Variants in CNOT2 observed in about 807,000 individuals in gnomAD.
The protein encoded by CNOT2 is CCR4-NOT transcription complex subunit 2.
CNOT2 carries 7 observed loss-of-function variants against 72.1 expected under a neutral mutation model. That is an observed-to-expected ratio of 0.10 (90% CI 0.06 to 0.18). CNOT2 has a LOEUF of 0.18. Among genes scored for constraint, CNOT2 ranks in the 10% least tolerant of loss-of-function variants. The pLI, the probability that CNOT2 is intolerant of heterozygous loss-of-function variation, is 1.00. For missense variants in CNOT2, 345 were observed against 660.3 expected (o/e 0.52, Z 5.23); for synonymous variants, 196 against 225.6 (o/e 0.87, Z 1.17).
In CNOT2 at chr12:70,337,500, A is replaced by G. The variant is rs751636975; in HGVS notation, c.887A>G (p.Asp296Gly). ...SSYKDPTSSN[D>G]DSKSNLNTSG... The stretch of plus-strand genomic sequence containing the variant: ...TATAAAGATCCAACATCAAGTAATG[A>G]TGACAGTAAATCTGTAAGTAACTGA... The change falls in exon 9 of 16, where the codon GAT (aspartate) becomes GGT (glycine). Residue 296 changes from aspartate to glycine, a missense_variant. Transcript: ENST00000229195. 4 of 1,611,654 alleles carry G rather than the reference A, an allele frequency of 2.5e-6. No homozygotes were observed. In the South Asian group the frequency reaches 4.4e-5, roughly 18 times the overall value.
chr12:70,353,730 A>G, intron 15 of CNOT2, 99 bp from the exon 16 acceptor site: 2 of 1,513,634 alleles, frequency 1.3e-6, no homozygotes, highest in South Asian at 1.2e-5. Context: ...GTTGATTCAT[A>G]TATATTGGGT....
At chr12:70,317,513 G>A (rs58828627) in intron 3 of CNOT2, among the ~76,000 whole-genome samples, 21,882 of 151,480 alleles carry the variant, frequency 0.14, 1,917 homozygotes, top group Admixed American at 0.28. Flanking sequence ...TTATAATTGG[G>A]AAAGAATATA....
intron 4 of CNOT2, 74 bp downstream of exon 4, chr12:70,319,438 C>A: frequency 7.2e-7 from 1 of 1,384,548 alleles, no homozygotes; most frequent in Non-Finnish European, 1.0e-6. Context: ...AAAGAACAAC[C>A]AGTACTTCCT....
chr12:70,319,629 T>C (rs190355763), intron 4 of CNOT2, among the ~76,000 whole-genome samples: 197 of 151,874 alleles, frequency 1.3e-3, no homozygotes, highest in African/African-American at 4.6e-3. Flanking sequence ...TTGCAGTATT[T>C]TTGAAGAATT....
intron 3 of CNOT2, among the ~76,000 whole-genome samples, chr12:70,318,621 C>T (rs146360066): frequency 2.0e-5 from 3 of 151,870 alleles, no homozygotes; most frequent in Non-Finnish European, 4.4e-5. Context: ...TCCTTTAGAG[C>T]ATTTACCACA....
At chr12:70,257,354 C>CTTT (rs34175539) in intron 1 of CNOT2, among the ~76,000 whole-genome samples, 6,373 of 127,982 alleles carry the variant, frequency 0.05, 294 homozygotes, top group Admixed American at 0.097. Flanking sequence ...CAACTACCCC[C>CTTT]TTTTTTTTTT....
Position 70,353,913 on chromosome 12 carries a change from TAAAAAAAAAAAAAAA to T in CNOT2, c.*9_*23del, listed in dbSNP as rs35192504. The T allele has an allele frequency of 6.3e-6, 8 of 1,274,546 alleles. No individual in the cohort carries two copies. The highest frequency in any genetic ancestry group is 6.9e-6 in the Non-Finnish European group (7 of 1,009,124). 79.0% of individuals were successfully genotyped at this position (1,274,546 alleles called of 1,614,324 possible). On this transcript the variant is annotated stop_retained_variant and 3_prime_UTR_variant, in exon 16 of 16. Transcript: ENST00000229195. ...CTACAACCCTGCTCAGCAAGCCTTC[TAAAAAAAAAAAAAAA>T]AAAAAAAAAAGACTTCCCTTTTCTT...
chr12:70,325,207 T>C (rs1432660941), intron 4 of CNOT2, among the ~76,000 whole-genome samples: 1 of 151,874 alleles, frequency 6.6e-6, no homozygotes, highest in Non-Finnish European at 1.5e-5. Flanking sequence ...AAATCAGATA[T>C]GTAGTGTGTA....
intron 3 of CNOT2, among the ~76,000 whole-genome samples, chr12:70,315,985 G>A (rs1247376213): frequency 2.0e-5 from 3 of 152,120 alleles, no homozygotes; most frequent in East Asian, 1.9e-4. Flanking sequence ...CAACTGAGGG[G>A]AAGATTAGAT....
intron 1 of CNOT2, among the ~76,000 whole-genome samples, chr12:70,266,920 AT>A (rs1296960334): frequency 2.0e-5 from 3 of 151,520 alleles, no homozygotes. Context: ...TTCTATTTGG[AT>A]TTAGATAAAC....
chr12:70,256,399 A>C (rs911664214), intron 1 of CNOT2, among the ~76,000 whole-genome samples: 28 of 152,116 alleles, frequency 1.8e-4, no homozygotes, highest in African/African-American at 6.8e-4. Context: ...AAATTGTTTT[A>C]AAGGGAAGAT....
chr12:70,289,052 T>C (rs965130264), intron 2 of CNOT2, among the ~76,000 whole-genome samples: 5 of 152,036 alleles, frequency 3.3e-5, no homozygotes, highest in Non-Finnish European at 7.4e-5. Flanking sequence ...TTTATTTTCT[T>C]GCTCACTTCT....
At chr12:70,249,172 G>C (rs1565722525) in intron 1 of CNOT2, among the ~76,000 whole-genome samples, 1 of 151,808 alleles carries the variant, frequency 6.6e-6, no homozygotes, top group Non-Finnish European at 1.5e-5. Context: ...ATGTGCTTTT[G>C]TATTACTTTC....
At chr12:70,257,651 G>A (rs973848666) in intron 1 of CNOT2, among the ~76,000 whole-genome samples, 35 of 151,818 alleles carry the variant, frequency 2.3e-4, no homozygotes, top group African/African-American at 8.5e-4. Context: ...ACAGGTGTGA[G>A]CCACCGCGCC....
chr12:70,265,273 T>TTCTTCTCTTC (rs1555188161), intron 1 of CNOT2, among the ~76,000 whole-genome samples: 18,498 of 125,188 alleles, frequency 0.15, 1,523 homozygotes, highest in South Asian at 0.18. Context: ...TTCGTTTTGT[T>TTCTTCTCTTC]TCTTCTCTTC....
chr12:70,299,793 C>T (rs866704264), intron 2 of CNOT2, among the ~76,000 whole-genome samples: 14 of 152,270 alleles, frequency 9.2e-5, no homozygotes, highest in African/African-American at 2.2e-4. Context: ...CCTGAGGAAT[C>T]GCCACACTGA....
At chr12:70,329,330 A>G in intron 4 of CNOT2, 93 bp from the exon 5 acceptor site, 1 of 953,026 alleles carries the variant, frequency 1.0e-6, no homozygotes, top group Non-Finnish European at 1.7e-6. Context: ...ATGTTAGGTC[A>G]TTAAAAGTGT....
At chr12:70,252,198 C>A (rs990621681) in intron 1 of CNOT2, among the ~76,000 whole-genome samples, 11 of 152,008 alleles carry the variant, frequency 7.2e-5, no homozygotes, top group African/African-American at 1.9e-4. Context: ...TTATTTATTT[C>A]TTTTTTTGAG....
chr12:70,295,144 A>G (rs951574449), intron 2 of CNOT2, among the ~76,000 whole-genome samples: 1 of 152,198 alleles, frequency 6.6e-6, no homozygotes, highest in Non-Finnish European at 1.5e-5. Flanking sequence ...CATCTATCCC[A>G]TATAATTCAT....
Sources: allele counts gnomAD v4.1 joint callset (sites outside exome capture counted in the v4.1 genomes callset), GRCh38; gene constraint gnomAD v4.1.1; transcripts MANE v1.5; gene names NCBI Gene and HGNC (gene_info 2026-07-23, HGNC 2026-07-21).